The following KIF26B variants were observed in gnomAD, a reference collection of about 807,000 sequenced individuals.
KIF26B encodes kinesin-like protein KIF26B.
A neutral mutation model predicts 151.2 loss-of-function variants in KIF26B; 63 were observed. The ratio of observed to expected loss-of-function variants is 0.42; its 90% CI spans 0.34 to 0.51. The LOEUF is 0.51. Among genes scored for constraint, KIF26B ranks in the 20% least tolerant of loss-of-function variants. The pLI is 0.07. For missense variants in KIF26B, 2,813 were observed against 2,913.6 expected, an observed-to-expected ratio of 0.97 and a Z score of 0.79; for synonymous variants, 1,357 against 1,262.1, an observed-to-expected ratio of 1.08 and a Z score of -1.59.
chr1:245,246,621 C>G (rs1670334735), intron 2 of KIF26B, among the ~76,000 whole-genome samples: 1 of 152,142 alleles, frequency 6.6e-6, no homozygotes, highest in South Asian at 2.1e-4. Context: ...GGTTTATATT[C>G]TGGTAGGAAG....
intron 5 of KIF26B, among the ~76,000 whole-genome samples, chr1:245,568,186 A>G (rs1386579798): frequency 3.2e-5 from 1 of 31,670 alleles, no homozygotes; most frequent in African/African-American, 9.1e-5. Flanking sequence ...CTCCATCTCA[A>G]AAAAAAAAAA....
intron 2 of KIF26B, among the ~76,000 whole-genome samples, chr1:245,248,878 T>A (rs189178236): frequency 1.3e-5 from 2 of 152,226 alleles, no homozygotes; most frequent in East Asian, 3.9e-4. Flanking sequence ...CAGTGGGATG[T>A]GAATATACTT....
At chr1:245,173,355 ATGT>A (rs1174333328) in intron 2 of KIF26B, among the ~76,000 whole-genome samples, 1 of 148,238 alleles carries the variant, frequency 6.7e-6, no homozygotes, top group Non-Finnish European at 1.5e-5. Flanking sequence ...GGTCAATGTT[ATGT>A]TGTTTTACTG....
At chr1:245,640,316 TTTTTGGTTTCCATTTGTATGGAATGC>T (rs1274089928) in intron 9 of KIF26B, among the ~76,000 whole-genome samples, 2 of 151,372 alleles carry the variant, frequency 1.3e-5, no homozygotes, top group Non-Finnish European at 3.0e-5. Flanking sequence ...GTCTTGATCA[TTTTTGGTTTCCATTTGTATGGAATGC>T]TTTTGGTTTC....
chr1:245,507,643 G>T (rs1660750664), intron 4 of KIF26B, among the ~76,000 whole-genome samples: 1 of 152,140 alleles, frequency 6.6e-6, no homozygotes, highest in Non-Finnish European at 1.5e-5. Flanking sequence ...AGATCTAGAA[G>T]GCACATCTCC....
Position 245,563,472 on chromosome 1 carries a change from A to G in KIF26B, c.1350+22522A>G, listed in dbSNP as rs142868948. 6.6e-6 allele frequency among the ~76,000 whole-genome samples: 1 copy of G among 152,212 alleles called. No individual in the cohort carries two copies. Among genetic ancestry groups the G allele is most frequent in the African/African-American group, 2.4e-5 (1 of 41,542 alleles). On this transcript the variant is annotated intron_variant, in intron 5 of 14. Coordinates refer to ENST00000407071, the MANE Select transcript of KIF26B (RefSeq NM_018012.4). The surrounding 1 kb of genome is among the most constrained non-coding windows in gnomAD (Gnocchi z 4.6). Reference sequence around the variant, plus strand: ...CCTGCCCATTGGATGATGTTGCTGTATCTCCAATTATATTTTGAAACTTTC... The same window carrying G: ...CCTGCCCATTGGATGATGTTGCTGTGTCTCCAATTATATTTTGAAACTTTC...
At chr1:245,656,956 CA>C (rs1553301171) in intron 10 of KIF26B, among the ~76,000 whole-genome samples, 1 of 152,106 alleles carries the variant, frequency 6.6e-6, no homozygotes, top group Non-Finnish European at 1.5e-5. Context: ...GTAACTAAAA[CA>C]GAGCTGAATT....
chr1:245,283,690 A>ATTTT (rs35386952), intron 2 of KIF26B, among the ~76,000 whole-genome samples: 61,490 of 141,304 alleles, frequency 0.44, 13,667 homozygotes, highest in East Asian at 0.57. Flanking sequence ...AAGCTTGAGA[A>ATTTT]TTTTTTTTTT....
intron 2 of KIF26B, among the ~76,000 whole-genome samples, chr1:245,344,761 T>C (rs1051640466): frequency 6.6e-6 from 1 of 151,974 alleles, no homozygotes; most frequent in African/African-American, 2.4e-5. Flanking sequence ...AGCCTGAGGA[T>C]ACAGACAGAC....
chr1:245,319,871 A>G (rs1370221799), intron 2 of KIF26B, among the ~76,000 whole-genome samples: 3 of 152,188 alleles, frequency 2.0e-5, no homozygotes, highest in Non-Finnish European at 2.9e-5. Flanking sequence ...TTCTGAGTCC[A>G]TGCTATTTCT....
At position 245,267,061 on chromosome 1, in the gene KIF26B, T is replaced by C. The variant is rs190468871; in HGVS notation, c.466-99773T>C. 6.2e-3 allele frequency among the ~76,000 whole-genome samples: 942 copies of C among 152,298 alleles called. 7 individuals are homozygous for C. Among genetic ancestry groups the C allele is most frequent in the Non-Finnish European group, 0.011 (751 of 68,020 alleles). ...ATACTAGGTATTCAAGAAAGCAAGGTTTGATTTGGATTTGCAGTGTCTCCC... is the reference window on the plus strand; with the variant it reads ...ATACTAGGTATTCAAGAAAGCAAGGCTTGATTTGGATTTGCAGTGTCTCCC... On this transcript the variant is annotated intron_variant, in intron 2 of 14. Coordinates refer to ENST00000407071, the MANE Select transcript of KIF26B (RefSeq NM_018012.4).
intron 2 of KIF26B, among the ~76,000 whole-genome samples, chr1:245,202,090 C>A (rs1392528569): frequency 1.3e-5 from 2 of 152,172 alleles, no homozygotes; most frequent in Non-Finnish European, 2.9e-5. Flanking sequence ...CTCAATTATC[C>A]CATTTTCGAG....
In KIF26B at chr1:245,687,686, C is replaced by G; in HGVS notation, c.4703C>G (p.Ser1568Trp). ...AAETNGVGAA[S>W]GTPPSKATLE... ...GAGACCAACGGGGTGGGTGCAGCCT[C>G]GGGCACCCCGCCCTCCAAGGCTACC... The change falls in exon 12 of 15, where the codon TCG becomes TGG. Residue 1568 changes from serine to tryptophan, a missense_variant. By Grantham distance (177) the Ser-to-Trp change is radical. Transcript: ENST00000407071. The surrounding 1 kb of genome is among the most constrained non-coding windows in gnomAD (Gnocchi z 4.9). 6.3e-7 allele frequency: 1 copy of G among 1,580,636 alleles called. No homozygotes were observed.
chr1:245,685,349 C>T lies in KIF26B; in HGVS notation c.2422-56C>T, dbSNP rs569297484. On this transcript the variant is annotated intron_variant, in intron 11 of 14. Coordinates refer to ENST00000407071, the MANE Select transcript of KIF26B (RefSeq NM_018012.4). The stretch of plus-strand genomic sequence containing the variant: ...TCACCACTTGCCGCGCACAGCTGGG[C>T]TCCCGGGGAAACTGCCACGGAAAGG... 3,474 of 1,418,628 alleles carry T rather than the reference C, an allele frequency of 2.4e-3. 11 individuals carry two copies. Among genetic ancestry groups the T allele is most frequent in the Non-Finnish European group, 2.6e-3 (2,644 of 1,034,622 alleles). 87.9% of individuals were successfully genotyped at this position (1,418,628 alleles called of 1,614,324 possible). A position where few individuals can be genotyped will look rare whatever the true frequency, so the allele number is the denominator to read the frequency against.
intron 4 of KIF26B, among the ~76,000 whole-genome samples, chr1:245,500,472 A>G (rs993012546): frequency 2.6e-5 from 4 of 152,268 alleles, no homozygotes; most frequent in African/African-American, 9.6e-5. Flanking sequence ...ATAACTCTAT[A>G]TAACCCAAAC....
At chr1:245,187,354 A>G (rs1471241772) in intron 2 of KIF26B, among the ~76,000 whole-genome samples, 1 of 152,204 alleles carries the variant, frequency 6.6e-6, no homozygotes, top group African/African-American at 2.4e-5. Flanking sequence ...GATTGCAAAG[A>G]TGGGGCAGGT....
At chr1:245,561,950 C>T (rs984383018) in intron 5 of KIF26B, among the ~76,000 whole-genome samples, 46 of 152,282 alleles carry the variant, frequency 3.0e-4, no homozygotes, top group African/African-American at 8.4e-4. Context: ...CTTTCTGTGG[C>T]CTGATTTTCT....
rs376565844 is a variant in KIF26B at position 245,640,122 on chromosome 1, G to GCT, written c.2099-5978_2099-5977dup. 6.0e-3 allele frequency among the ~76,000 whole-genome samples: 326 copies of GCT among 53,924 alleles called. 57 individuals are homozygous for GCT. The highest frequency in any genetic ancestry group is 8.1e-3 in the Admixed American group (36 of 4,472). The allele number at this position is 53,924 out of a possible 152,430, so 35.4% of individuals were successfully genotyped here. A position where few individuals can be genotyped will look rare whatever the true frequency, so the allele number is the denominator to read the frequency against. ...CTCCTGTTTAGATCTACTAATATTT[G>GCT]CTCTCTCTCTCTCTCTCTCTCTATA... On this transcript the variant is annotated intron_variant, in intron 9 of 14. Coordinates refer to ENST00000407071, the MANE Select transcript of KIF26B (RefSeq NM_018012.4).
At chr1:245,201,180 G>C (rs1012266955) in intron 2 of KIF26B, among the ~76,000 whole-genome samples, 6 of 152,304 alleles carry the variant, frequency 3.9e-5, no homozygotes, top group South Asian at 2.1e-4. Flanking sequence ...ATACAGTCCT[G>C]TCTCAGTACA....
Sources: gnomAD v4.1 joint callset for allele counts (sites outside exome capture counted in the v4.1 genomes callset) on GRCh38, gnomAD v4.1.1 for gene constraint, Gnocchi (gnomAD v3.1) non-coding constraint, MANE v1.5 for transcripts, NCBI Gene and HGNC (gene_info 2026-07-23, HGNC 2026-07-21) for gene names.